The following ARPP21 variants were observed in gnomAD, a reference collection of about 807,000 sequenced individuals.
ARPP21 encodes cAMP regulated phosphoprotein 21, also known as cAMP-regulated phosphoprotein 21.
In ARPP21, 69 loss-of-function variants were observed where a neutral mutation model predicts 113.2. That is an observed-to-expected ratio of 0.61 (90% CI 0.50 to 0.74). ARPP21 has a LOEUF of 0.74. Among genes scored for constraint, ARPP21 ranks in the 30% least tolerant of loss-of-function variants. The pLI, the probability that ARPP21 is intolerant of heterozygous loss-of-function variation, is 0.00. For missense variants in ARPP21, 1,070 were observed against 1,037.4 expected, an observed-to-expected ratio of 1.03 and a Z score of -0.43; for synonymous variants, 368 against 375.5, an observed-to-expected ratio of 0.98 and a Z score of 0.23.
chr3:35,679,272 T>A, intron 1 of ARPP21, among the ~76,000 whole-genome samples: 1 of 151,932 alleles, frequency 6.6e-6, no homozygotes, highest in African/African-American at 2.4e-5. Flanking sequence ...CTTCTTCTTT[T>A]TTTTAACTTT....
At chr3:35,661,786 T>C (rs1707943440) in intron 1 of ARPP21, among the ~76,000 whole-genome samples, 1 of 152,202 alleles carries the variant, frequency 6.6e-6, no homozygotes, top group African/African-American at 2.4e-5. Context: ...GCAAGTTCCT[T>C]GACCTTACTG....
At chr3:35,733,448 G>T (rs1476031098) in intron 15 of ARPP21, among the ~76,000 whole-genome samples, 1 of 152,124 alleles carries the variant, frequency 6.6e-6, no homozygotes, top group Admixed American at 6.5e-5. Context: ...CTTCACCTAT[G>T]CCAGCACCCA....
intron 3 of ARPP21, 67 bp from the exon 4 acceptor site, chr3:35,682,781 T>G: frequency 1.9e-5 from 26 of 1,384,466 alleles, no homozygotes; most frequent in Non-Finnish European, 2.4e-5. Flanking sequence ...TCTCTCTCGG[T>G]TGTTGATTTA....
intron 1 of ARPP21, among the ~76,000 whole-genome samples, chr3:35,668,026 GAAGAAGGAGA>G (rs1559550780): frequency 2.4e-4 from 35 of 144,010 alleles, no homozygotes; most frequent in African/African-American, 8.3e-4. Flanking sequence ...AGAAGAAGAA[GAAGAAGGAGA>G]AGAAGAAGAA....
At chr3:35,756,299 C>A (rs1054637678) in intron 19 of ARPP21, among the ~76,000 whole-genome samples, 1 of 152,080 alleles carries the variant, frequency 6.6e-6, no homozygotes, top group African/African-American at 2.4e-5. Flanking sequence ...AACTTAGGCA[C>A]TCTGTTTAGA....
In ARPP21 at chr3:35,715,415, C is replaced by A. The variant is rs775155184; in HGVS notation, c.898-24C>A. On this transcript the variant is annotated intron_variant, in intron 11 of 20. Transcript: ENST00000684406. The stretch of plus-strand genomic sequence containing the variant: ...CTCAGCATATCCAGAACTTCTGATC[C>A]AATGCCTTTTTTTTATTTTTCAGTC... 10 of 1,609,712 alleles carry A rather than the reference C, an allele frequency of 6.2e-6. No individual in the cohort carries two copies. In the East Asian group the frequency reaches 1.8e-4, roughly 29 times the overall value.
chr3:35,716,466 A>G (rs1003055335), intron 12 of ARPP21, among the ~76,000 whole-genome samples: 4 of 152,090 alleles, frequency 2.6e-5, no homozygotes, highest in African/African-American at 9.7e-5. Context: ...TAACGTGACT[A>G]AACCCCTTAA....
At chr3:35,745,910 C>T (rs2095015340) in intron 19 of ARPP21, among the ~76,000 whole-genome samples, 1 of 152,094 alleles carries the variant, frequency 6.6e-6, no homozygotes, top group South Asian at 2.1e-4. Flanking sequence ...AAATGACCCT[C>T]CCAAGGTAAG....
chr3:35,757,788 A>C (rs967511345), intron 19 of ARPP21, among the ~76,000 whole-genome samples: 1 of 152,234 alleles, frequency 6.6e-6, no homozygotes, highest in African/African-American at 2.4e-5. Flanking sequence ...TATTGTGATC[A>C]TAGAGTATCG....
At chr3:35,740,717 G>A (rs900980366) in intron 18 of ARPP21, among the ~76,000 whole-genome samples, 1 of 152,108 alleles carries the variant, frequency 6.6e-6, no homozygotes, top group Non-Finnish European at 1.5e-5. Context: ...GGCCTAAAAA[G>A]CGTTTAAGTG....
chr3:35,662,707 T>C (rs1708371205), intron 1 of ARPP21, among the ~76,000 whole-genome samples: 1 of 152,102 alleles, frequency 6.6e-6, no homozygotes. Flanking sequence ...TAGGAAAGAG[T>C]GTGCTTGAGG....
intron 19 of ARPP21, among the ~76,000 whole-genome samples, chr3:35,744,719 C>T (rs1350673308): frequency 6.6e-6 from 1 of 152,144 alleles, no homozygotes; most frequent in Non-Finnish European, 1.5e-5. Flanking sequence ...ACTCTGCCTT[C>T]TGTAAGTAGG....
chr3:35,777,786 A>G lies in ARPP21; in HGVS notation c.2138-14596A>G, dbSNP rs2096414383. The stretch of plus-strand genomic sequence containing the variant: ...AGAGAAGGAAAATGTCAAATTCAAC[A>G]AAATGAGTAGTACTGCTTGAGATGA... On this transcript the variant is annotated intron_variant, in intron 19 of 20. Coordinates refer to ENST00000684406, the MANE Select transcript of ARPP21 (RefSeq NM_001385562.1). Among the ~76,000 whole-genome samples, 5 of 152,216 alleles carry G rather than the reference A, an allele frequency of 3.3e-5. No individual in the cohort carries two copies. The South Asian group carries it at 8.3e-4, about 25-fold the overall frequency.
intron 11 of ARPP21, among the ~76,000 whole-genome samples, chr3:35,710,248 T>G (rs1209850261): frequency 1.3e-5 from 2 of 152,118 alleles, no homozygotes; most frequent in Non-Finnish European, 2.9e-5. Flanking sequence ...GAGGTCTGGA[T>G]GCAATTTTAG....
chr3:35,739,443 A>C lies in ARPP21; in HGVS notation c.1876A>C (p.Ser626Arg). ...TATGCCACAGCCGGCCCAGCAGCCC[A>C]GCTATGTAATCGCCTCTACAGGCCA... is the stretch of plus-strand genomic sequence containing the variant. ...SLMPQPAQQP[S>R]YVIASTGQQL... The change falls in exon 18 of 21, where the codon AGC becomes CGC. Residue 626 changes from serine to arginine, a missense_variant. Transcript: ENST00000684406. 1.2e-6 allele frequency: 2 copies of C among 1,614,114 alleles called. No homozygotes were observed. Among genetic ancestry groups the C allele is most frequent in the Non-Finnish European group, 1.7e-6 (2 of 1,180,036 alleles).
At chr3:35,663,053 G>A (rs1708529130) in intron 1 of ARPP21, among the ~76,000 whole-genome samples, 1 of 151,962 alleles carries the variant, frequency 6.6e-6, no homozygotes, top group Non-Finnish European at 1.5e-5. Context: ...CTGTACTCAG[G>A]CGATGGACAC....
At chr3:35,745,398 C>T (rs1040037103) in intron 19 of ARPP21, among the ~76,000 whole-genome samples, 1 of 152,112 alleles carries the variant, frequency 6.6e-6, no homozygotes, top group Non-Finnish European at 1.5e-5. Context: ...AGGCTATGTG[C>T]AAGTTTTCTA....
intron 10 of ARPP21, 43 bp from the exon 11 acceptor site, chr3:35,708,926 A>G (rs759126833): frequency 2.9e-6 from 4 of 1,394,838 alleles, no homozygotes; most frequent in Non-Finnish European, 4.0e-6. Context: ...GATTTCTAAC[A>G]ACGCAACTTG....
At chr3:35,792,115 G>T in intron 19 of ARPP21, 1 of 316,152 alleles carries the variant, frequency 3.2e-6, no homozygotes, top group East Asian at 5.6e-5. Flanking sequence ...TTTGTGCCAT[G>T]AATAATTTAT....
Sources: gnomAD v4.1 joint callset for allele counts (sites outside exome capture counted in the v4.1 genomes callset) on GRCh38, gnomAD v4.1.1 for gene constraint, MANE v1.5 for transcripts, NCBI Gene and HGNC (gene_info 2026-07-23, HGNC 2026-07-21) for gene names.